The following COL4A2 variants were observed in gnomAD, a reference collection of about 807,000 sequenced individuals.
COL4A2 encodes the protein collagen type IV alpha 2 chain.
In COL4A2, 99 loss-of-function variants were observed where a neutral mutation model predicts 200.2. That is an observed-to-expected ratio of 0.49 (90% CI 0.42 to 0.58). The LOEUF (loss-of-function observed/expected upper bound fraction) is 0.58, where lower values mean the gene tolerates loss of function less well. Among genes scored for constraint, COL4A2 ranks in the 20% least tolerant of loss-of-function variants. The probability of loss-of-function intolerance (pLI) is 0.00; values close to 1 mark genes in which losing one functional copy is unlikely to be tolerated. For missense variants in COL4A2, 1,950 were observed against 2,314.1 expected (o/e 0.84, Z 3.23); for synonymous variants, 897 against 900.6 (o/e 1.00, Z 0.07).
In COL4A2 at chr13:110,485,692, A is replaced by T. The variant is rs1192068187; in HGVS notation, c.3063A>T (p.Gly1021=). The T allele has an allele frequency of 1.9e-6, 3 of 1,612,186 alleles. No homozygotes were observed. Among genetic ancestry groups the T allele is most frequent in the East Asian group, 4.5e-5 (2 of 44,846 alleles). The change falls in exon 34 of 48, where the codon GGA becomes GGT. Residue 1021 remains glycine, a synonymous_variant. Coordinates refer to ENST00000360467, the MANE Select transcript of COL4A2 (RefSeq NM_001846.4). ...TGCCAGGCATCCCAGGGCTGTCAGG[A>T]ATCCCTGGGCTGCCTGGGAGGCCCG... ...QGMPGIPGLS[G]IPGLPGRPGH...
At chr13:110,482,857 A>G (rs1191782690) in intron 32 of COL4A2, among the ~76,000 whole-genome samples, 198 bp downstream of exon 32, 1 of 152,244 alleles carries the variant, frequency 6.6e-6, no homozygotes, top group Non-Finnish European at 1.5e-5. Context: ...ACCATGTGAT[A>G]AGGGAATAAT....
chr13:110,319,228 T>C (rs1885220997), intron 3 of COL4A2, among the ~76,000 whole-genome samples: 1 of 152,148 alleles, frequency 6.6e-6, no homozygotes, highest in African/African-American at 2.4e-5. Flanking sequence ...TGCGCCTTCC[T>C]GATGCCTTGA....
At chr13:110,317,256 C>T (rs61964290) in intron 3 of COL4A2, among the ~76,000 whole-genome samples, 27,991 of 151,090 alleles carry the variant, frequency 0.19, 3,178 homozygotes, top group East Asian at 0.52. Flanking sequence ...GACACACTTG[C>T]ACCACACTCA....
At chr13:110,450,884 T>G (rs9555701) in intron 20 of COL4A2, among the ~76,000 whole-genome samples, 115,600 of 152,132 alleles carry the variant, frequency 0.76, 44,331 homozygotes, top group Middle Eastern at 0.89. Context: ...TGTTACTCCA[T>G]CACGTTTAAG....
At chr13:110,334,640 A>G (rs1245165984) in intron 3 of COL4A2, among the ~76,000 whole-genome samples, 10 of 152,206 alleles carry the variant, frequency 6.6e-5, no homozygotes, top group Non-Finnish European at 1.5e-4. Context: ...TTTATAGTCT[A>G]AGAAACTTGG....
chr13:110,470,863 T>C (rs1290819007), intron 28 of COL4A2, among the ~76,000 whole-genome samples: 2 of 152,194 alleles, frequency 1.3e-5, no homozygotes, highest in Admixed American at 1.3e-4. Flanking sequence ...CCCGTAGGGA[T>C]TGTTCCAAAC....
chr13:110,351,160 C>T (rs1386076476), intron 3 of COL4A2, among the ~76,000 whole-genome samples: 2 of 152,136 alleles, frequency 1.3e-5, no homozygotes, highest in Admixed American at 6.6e-5. Flanking sequence ...GCCATCTTCC[C>T]ACCCCAGCCC....
chr13:110,381,859 C>G (rs1878507156), intron 4 of COL4A2, among the ~76,000 whole-genome samples: 1 of 152,120 alleles, frequency 6.6e-6, no homozygotes, highest in African/African-American at 2.4e-5. Flanking sequence ...GATGATAACC[C>G]CACTCCCTAG....
chr13:110,373,966 A>G (rs1304903203), intron 4 of COL4A2, among the ~76,000 whole-genome samples: 3 of 152,248 alleles, frequency 2.0e-5, no homozygotes, highest in Admixed American at 2.0e-4. Flanking sequence ...CGGCCGCAGT[A>G]GAGACTTGGC....
At chr13:110,341,199 G>C (rs376500576) in intron 3 of COL4A2, among the ~76,000 whole-genome samples, 1 of 152,188 alleles carries the variant, frequency 6.6e-6, no homozygotes, top group African/African-American at 2.4e-5. Flanking sequence ...ACATCCAAGC[G>C]CGTGGCGTCA....
intron 4 of COL4A2, among the ~76,000 whole-genome samples, chr13:110,390,283 A>G (rs1878937698): frequency 6.6e-6 from 1 of 152,248 alleles, no homozygotes; most frequent in Non-Finnish European, 1.5e-5. Flanking sequence ...CAGGAGGACC[A>G]GGGCTCTTGA....
intron 13 of COL4A2, among the ~76,000 whole-genome samples, chr13:110,437,271 G>A (rs960987218): frequency 6.6e-6 from 1 of 152,188 alleles, no homozygotes; most frequent in African/African-American, 2.4e-5. Flanking sequence ...AGACGGCAGG[G>A]AGGGCCTCTG....
chr13:110,379,565 C>T (rs935303031), intron 4 of COL4A2, among the ~76,000 whole-genome samples: 4 of 152,194 alleles, frequency 2.6e-5, no homozygotes, highest in East Asian at 1.9e-4. Context: ...CTGCAAGGCT[C>T]CTCCCTTCTC....
At chr13:110,326,901 G>GCGTGAC (rs1460906693) in intron 3 of COL4A2, among the ~76,000 whole-genome samples, 1 of 152,244 alleles carries the variant, frequency 6.6e-6, no homozygotes, top group Non-Finnish European at 1.5e-5. Context: ...CCGCTCAAGA[G>GCGTGAC]CGTGACCACT....
intron 6 of COL4A2, among the ~76,000 whole-genome samples, chr13:110,426,138 TATTTTC>T (rs2139455427): frequency 6.6e-6 from 1 of 152,294 alleles, no homozygotes; most frequent in South Asian, 2.1e-4. Flanking sequence ...ATTAGGAAAG[TATTTTC>T]ATACTAATGG....
chr13:110,312,636 G>C (rs1885016435), intron 3 of COL4A2, among the ~76,000 whole-genome samples: 1 of 152,128 alleles, frequency 6.6e-6, no homozygotes, highest in Non-Finnish European at 1.5e-5. Flanking sequence ...TTTGATTAGA[G>C]GGTTTTAGAG....
chr13:110,452,401 A>C (rs1238716525), intron 20 of COL4A2, among the ~76,000 whole-genome samples: 1 of 152,198 alleles, frequency 6.6e-6, no homozygotes, highest in Non-Finnish European at 1.5e-5. Flanking sequence ...TGACCTCATG[A>C]TCCGCCCGCC....
chr13:110,414,807 A>G (rs1879979042), intron 4 of COL4A2, among the ~76,000 whole-genome samples: 1 of 152,248 alleles, frequency 6.6e-6, no homozygotes, highest in African/African-American at 2.4e-5. Context: ...AAGCAAGACA[A>G]AGGTTGTTTT....
intron 4 of COL4A2, among the ~76,000 whole-genome samples, chr13:110,390,984 A>G (rs1878964729): frequency 6.6e-6 from 1 of 152,232 alleles, no homozygotes; most frequent in Non-Finnish European, 1.5e-5. Context: ...TGTTTATCCA[A>G]TCATTTGGGT....
Sources: gnomAD v4.1 joint callset for allele counts (sites outside exome capture counted in the v4.1 genomes callset) on GRCh38, gnomAD v4.1.1 for gene constraint, MANE v1.5 for transcripts, NCBI Gene and HGNC (gene_info 2026-07-23, HGNC 2026-07-21) for gene names.